The following CBFB variants were observed in gnomAD, a reference collection of about 807,000 sequenced individuals.
CBFB encodes the protein core-binding factor subunit beta.
CBFB carries 9 observed loss-of-function variants against 30.4 expected under a neutral mutation model. The ratio of observed to expected loss-of-function variants is 0.30; its 90% CI spans 0.18 to 0.52. CBFB has a LOEUF of 0.52. CBFB is among the 20% of genes least tolerant of loss of function. CBFB has a pLI of 0.97. For missense variants in CBFB, 170 were observed against 244.0 expected (o/e 0.70, Z 2.02); for synonymous variants, 94 against 84.0 (o/e 1.12, Z -0.65).
intron 3 of CBFB, among the ~76,000 whole-genome samples, chr16:67,039,788 C>T (rs1222763766): frequency 6.6e-6 from 1 of 152,082 alleles, no homozygotes; most frequent in Admixed American, 6.6e-5. Context: ...GTCACAACTA[C>T]TCATCTCTGT....
At chr16:67,061,004 C>T (rs1475187439) in intron 3 of CBFB, among the ~76,000 whole-genome samples, 1 of 152,182 alleles carries the variant, frequency 6.6e-6, no homozygotes, top group Non-Finnish European at 1.5e-5. Flanking sequence ...GGTGATACCA[C>T]AGTTGATGGT....
chr16:67,090,802 A>T (rs1416525354), intron 5 of CBFB, among the ~76,000 whole-genome samples: 2 of 152,262 alleles, frequency 1.3e-5, no homozygotes, highest in Admixed American at 6.5e-5. Flanking sequence ...GAGCAATTTT[A>T]ATACAATTCA....
chr16:67,086,608 G>A (rs1365213152), intron 5 of CBFB, among the ~76,000 whole-genome samples: 1 of 152,170 alleles, frequency 6.6e-6, no homozygotes, highest in African/African-American at 2.4e-5. Context: ...AGAATTATAG[G>A]AGAGCCTGCT....
intron 2 of CBFB, among the ~76,000 whole-genome samples, chr16:67,031,314 G>C (rs1490375086): frequency 6.6e-6 from 1 of 152,178 alleles, no homozygotes; most frequent in Non-Finnish European, 1.5e-5. Flanking sequence ...TTATATGATT[G>C]AAGTGCATAA....
chr16:67,059,766 ACTCT>A (rs939957332), intron 3 of CBFB, among the ~76,000 whole-genome samples: 36 of 151,696 alleles, frequency 2.4e-4, no homozygotes, highest in African/African-American at 8.7e-4. Flanking sequence ...TCCCCTGCTT[ACTCT>A]GGGGGTCTCT....
At chr16:67,096,653 A>G (rs979109086) in intron 5 of CBFB, among the ~76,000 whole-genome samples, 12 of 152,008 alleles carry the variant, frequency 7.9e-5, no homozygotes, top group East Asian at 1.9e-4. Context: ...GACCTAGTCA[A>G]GCTTCTTAAT....
intron 3 of CBFB, among the ~76,000 whole-genome samples, chr16:67,064,719 C>A (rs1597143213): frequency 6.6e-6 from 1 of 151,974 alleles, no homozygotes; most frequent in African/African-American, 2.4e-5. Context: ...ATTTGGTGAT[C>A]AAAAATGATC....
intron 3 of CBFB, among the ~76,000 whole-genome samples, chr16:67,047,885 A>G (rs893345102): frequency 6.6e-6 from 1 of 152,174 alleles, no homozygotes; most frequent in African/African-American, 2.4e-5. Context: ...CGTGGCCAGC[A>G]TGGTGAAGCC....
At chr16:67,056,684 CTTTT>C (rs563093554) in intron 3 of CBFB, among the ~76,000 whole-genome samples, 2 of 135,104 alleles carry the variant, frequency 1.5e-5, no homozygotes, top group East Asian at 2.1e-4. Context: ...TTCTAGCAGG[CTTTT>C]TTTTTTTTTT....
chr16:67,037,393 G>A (rs1447465839), intron 3 of CBFB, among the ~76,000 whole-genome samples: 1 of 151,998 alleles, frequency 6.6e-6, no homozygotes, highest in Non-Finnish European at 1.5e-5. Context: ...GAGGAAAACG[G>A]AAAAAAGCTC....
At chr16:67,072,910 A>G (rs1961272382) in intron 4 of CBFB, among the ~76,000 whole-genome samples, 1 of 151,122 alleles carries the variant, frequency 6.6e-6, no homozygotes, top group Admixed American at 6.6e-5. Flanking sequence ...ATGAGGTCTT[A>G]CCATGTTGGC....
At chr16:67,079,554 T>C (rs1339309316) in intron 4 of CBFB, among the ~76,000 whole-genome samples, 3 of 140,038 alleles carry the variant, frequency 2.1e-5, no homozygotes, top group Admixed American at 7.7e-5. Context: ...CAACGTGATA[T>C]GAGGTCTTTT....
chr16:67,047,266 A>G (rs537491041), intron 3 of CBFB, among the ~76,000 whole-genome samples: 9 of 152,310 alleles, frequency 5.9e-5, no homozygotes, highest in Admixed American at 3.3e-4. Flanking sequence ...CTTCAATGCC[A>G]TGTGTGGAAA....
chr16:67,034,032 A>G (rs1966402335), intron 2 of CBFB, among the ~76,000 whole-genome samples: 1 of 151,508 alleles, frequency 6.6e-6, no homozygotes, highest in Non-Finnish European at 1.5e-5. Context: ...GTTTCACTAT[A>G]TTGGCCAGAC....
chr16:67,072,343 A>C (rs1490689235), intron 4 of CBFB, among the ~76,000 whole-genome samples: 1 of 152,228 alleles, frequency 6.6e-6, no homozygotes, highest in East Asian at 1.9e-4. Flanking sequence ...GAACATTAAG[A>C]TTAATAAGCA....
Position 67,092,698 on chromosome 16 carries a change from C to CTTTTTTTTTTTTTT in CBFB, c.496-5993_496-5980dup, listed in dbSNP as rs777213321. Among the ~76,000 whole-genome samples the CTTTTTTTTTTTTTT allele has an allele frequency of 1.2e-4, 4 of 33,492 alleles. 1 individual carries two copies. The highest frequency in any genetic ancestry group is 4.6e-4 in the African/African-American group (4 of 8,688). 22.0% of individuals were successfully genotyped at this position (33,492 alleles called of 152,430 possible). A position where few individuals can be genotyped will look rare whatever the true frequency, so the allele number is the denominator to read the frequency against. On this transcript the variant is annotated intron_variant, in intron 5 of 5. Coordinates refer to ENST00000412916, the MANE Select transcript of CBFB (RefSeq NM_022845.3). ...CCAGGCTAGGTTACAGTGGTGCAAT[C>CTTTTTTTTTTTTTT]TTTTTTTTTTTTTTTTTTTTTTTTT...
Position 67,066,761 on chromosome 16 carries a change from G to A in CBFB, c.362G>A (p.Gly121Asp). The change falls in exon 4 of 6, where the codon GGT becomes GAT. Residue 121 changes from glycine (G) to aspartate (D), a missense_variant. Gly to Asp is a moderately conservative substitution (Grantham distance 94). Coordinates refer to ENST00000412916, the MANE Select transcript of CBFB (RefSeq NM_022845.3). ...TGGATTGATCTCCAAAGACTGGATGGTATGGGCTGTCTGGAGTTTGATGAG... is the reference window on the plus strand; with the variant it reads ...TGGATTGATCTCCAAAGACTGGATGATATGGGCTGTCTGGAGTTTGATGAG... ...KGWIDLQRLD[G>D]MGCLEFDEER... 1 of 1,609,642 alleles carries A rather than the reference G, an allele frequency of 6.2e-7. No homozygotes were observed. Among genetic ancestry groups the A allele is most frequent in the Non-Finnish European group, 8.5e-7 (1 of 1,177,890 alleles).
At chr16:67,040,748 A>G (rs865863420) in intron 3 of CBFB, among the ~76,000 whole-genome samples, 8 of 152,362 alleles carry the variant, frequency 5.3e-5, no homozygotes, top group South Asian at 2.1e-4. Context: ...AAGGAAAGGT[A>G]TTATAGGATA....
At chr16:67,077,727 GGTAA>G (rs544179429) in intron 4 of CBFB, among the ~76,000 whole-genome samples, 27 of 152,216 alleles carry the variant, frequency 1.8e-4, no homozygotes, top group African/African-American at 4.3e-4. Context: ...GATGCAGAAA[GGTAA>G]GTGTTACCGA....
Sources: allele counts gnomAD v4.1 joint callset (sites outside exome capture counted in the v4.1 genomes callset), GRCh38; gene constraint gnomAD v4.1.1; transcripts MANE v1.5; gene names NCBI Gene and HGNC (gene_info 2026-07-23, HGNC 2026-07-21).